Variants in TENM3 observed in about 807,000 individuals in gnomAD.
TENM3 encodes teneurin-3.
A neutral mutation model predicts 255.1 loss-of-function variants in TENM3; 63 were observed. The observed-to-expected ratio is 0.25, with a 90% confidence interval of 0.20 to 0.30. TENM3 has a LOEUF of 0.30. TENM3 is among the 10% of genes least tolerant of loss of function. The pLI, the probability that TENM3 is intolerant of heterozygous loss-of-function variation, is 1.00. For synonymous variants in TENM3, 1,306 were observed against 1,322.3 expected (o/e 0.99, Z 0.27); for missense variants, 2,929 against 3,461.1 (o/e 0.85, Z 3.86).
chr4:181,669,505 G>T, the TENM3 span, among the ~76,000 whole-genome samples: 1 of 152,098 alleles, frequency 6.6e-6, no homozygotes, highest in African/African-American at 2.4e-5. Flanking sequence ...TTTGTATAGA[G>T]CTTTACTAGA....
At chr4:182,382,110 T>G (rs1299602851) in intron 3 of TENM3, among the ~76,000 whole-genome samples, 1 of 152,206 alleles carries the variant, frequency 6.6e-6, no homozygotes, top group Non-Finnish European at 1.5e-5. Flanking sequence ...TTTGGTTGAC[T>G]ATCTATGGCT....
upstream of TENM3, among the ~76,000 whole-genome samples, chr4:182,139,760 C>G (rs1749265309): frequency 3.9e-5 from 6 of 152,222 alleles, no homozygotes; most frequent in Admixed American, 3.9e-4. Flanking sequence ...GAGGCTCTAG[C>G]CAAAGCAAGG....
the TENM3 span, among the ~76,000 whole-genome samples, chr4:181,662,318 A>G: frequency 6.6e-6 from 1 of 152,246 alleles, no homozygotes; most frequent in South Asian, 2.1e-4. Flanking sequence ...CAAATGGGCT[A>G]AAATAAATGA....
At chr4:182,415,230 T>A (rs1770283992) in intron 3 of TENM3, among the ~76,000 whole-genome samples, 1 of 152,230 alleles carries the variant, frequency 6.6e-6, no homozygotes, top group Non-Finnish European at 1.5e-5. Context: ...CATGGCACAT[T>A]TGAATGCTTG....
chr4:182,263,789 A>T (rs1218638361), intron 1 of TENM3, among the ~76,000 whole-genome samples: 1 of 152,158 alleles, frequency 6.6e-6, no homozygotes, highest in African/African-American at 2.4e-5. Flanking sequence ...CACGTGTCGA[A>T]ACTCTTAAGT....
rs376418611 is a variant in TENM3 at position 182,731,228 on chromosome 4, G to A, written c.2967+89G>A. The stretch of plus-strand genomic sequence containing the variant: ...ATCTTAAAAATAGGTTATAGAGTCC[G>A]GGCACGGTGGCTCACTCCTGTAATC... On this transcript the variant is annotated intron_variant, in intron 16 of 27. Transcript: ENST00000511685. 39 of 1,345,986 alleles carry A rather than the reference G, an allele frequency of 2.9e-5. No homozygotes were observed. In the Middle Eastern group the frequency reaches 7.4e-4, roughly 26 times the overall value. 83.4% of individuals were successfully genotyped at this position (1,345,986 alleles called of 1,614,324 possible).
chr4:181,877,729 C>T, the TENM3 span, among the ~76,000 whole-genome samples: 1 of 152,106 alleles, frequency 6.6e-6, no homozygotes, highest in African/African-American at 2.4e-5. Flanking sequence ...AGGCCTACAG[C>T]AAGAGGAAGG....
intron 1 of TENM3, among the ~76,000 whole-genome samples, chr4:182,248,929 G>T (rs1021939422): frequency 2.6e-4 from 39 of 152,176 alleles, no homozygotes; most frequent in Admixed American, 7.2e-4. Context: ...TGAAAAAGGT[G>T]CAATAGTAAT....
chr4:182,016,256 T>C, the TENM3 span, among the ~76,000 whole-genome samples: 1 of 152,218 alleles, frequency 6.6e-6, no homozygotes, highest in East Asian at 1.9e-4. Context: ...GGTGCTACCG[T>C]TGAGGTACTT....
At chr4:182,389,133 G>A (rs1768224684) in intron 3 of TENM3, among the ~76,000 whole-genome samples, 1 of 152,136 alleles carries the variant, frequency 6.6e-6, no homozygotes, top group African/African-American at 2.4e-5. Context: ...TGTTTAAAAT[G>A]AAACTGGGAT....
In TENM3 at chr4:182,800,208, G is replaced by A. The variant is rs1297180673; in HGVS notation, c.7957G>A (p.Gly2653Ser). Residue 2653 changes from glycine (G) to serine (S), a missense_variant, in exon 28 of 28, where the codon GGC (glycine) becomes AGC (serine). Gly to Ser is a moderately conservative substitution (Grantham distance 56, BLOSUM62 0). Around this residue, in one of 6 missense-constraint regions of TENM3, gnomAD observed 476 missense variants for 480.1 expected, o/e 0.99. Transcript: ENST00000511685. ...GEEGARLWTEGEKRQLLSAGK... is the reference protein window; with the variant it reads ...GEEGARLWTESEKRQLLSAGK... ...GGAGGGCGCGCGCCTCTGGACGGAGGGCGAGAAGCGGCAGCTGCTGAGCGC... is the reference window on the plus strand; with the variant it reads ...GGAGGGCGCGCGCCTCTGGACGGAGAGCGAGAAGCGGCAGCTGCTGAGCGC... The A allele has an allele frequency of 4.1e-5, 65 of 1,590,510 alleles. No individual in the cohort carries two copies. Among genetic ancestry groups the A allele is most frequent in the Non-Finnish European group, 5.4e-5 (64 of 1,176,418 alleles).
At chr4:181,452,388 T>C in the TENM3 span, among the ~76,000 whole-genome samples, 1 of 152,232 alleles carries the variant, frequency 6.6e-6, no homozygotes, top group East Asian at 1.9e-4. Context: ...CCTCGTGTTG[T>C]GAAAGGGAGC....
chr4:182,185,573 C>G (rs752956392), intron 1 of TENM3, among the ~76,000 whole-genome samples: 1 of 152,204 alleles, frequency 6.6e-6, no homozygotes, highest in East Asian at 1.9e-4. Flanking sequence ...TCTGAGTAGT[C>G]TCACCAGACA....
the TENM3 span, among the ~76,000 whole-genome samples, chr4:181,620,657 G>C: frequency 7.1e-6 from 1 of 140,568 alleles, no homozygotes; most frequent in Non-Finnish European, 1.5e-5. Flanking sequence ...TTCTCACAGA[G>C]TCCTTAAAAA....
At chr4:181,865,952 C>G in the TENM3 span, among the ~76,000 whole-genome samples, 1 of 152,106 alleles carries the variant, frequency 6.6e-6, no homozygotes, top group Admixed American at 6.6e-5. Flanking sequence ...TCTTTATAAA[C>G]CTGTACAGAA....
At chr4:182,217,476 C>T (rs571289511) in intron 1 of TENM3, among the ~76,000 whole-genome samples, 3 of 152,316 alleles carry the variant, frequency 2.0e-5, no homozygotes, top group Admixed American at 6.5e-5. Flanking sequence ...ATGAACCCCT[C>T]GCCTAACCTA....
chr4:182,302,503 A>G (rs1761907657), intron 1 of TENM3, among the ~76,000 whole-genome samples: 1 of 152,202 alleles, frequency 6.6e-6, no homozygotes, highest in African/African-American at 2.4e-5. Context: ...TAAGACAAGT[A>G]GCATAGGATA....
At chr4:182,166,573 C>A (rs986748715) in intron 1 of TENM3, among the ~76,000 whole-genome samples, 1 of 152,114 alleles carries the variant, frequency 6.6e-6, no homozygotes, top group East Asian at 1.9e-4. Flanking sequence ...CCATAGTATG[C>A]AGGTAATATT....
chr4:182,716,356 A>T (rs984547166), intron 13 of TENM3, among the ~76,000 whole-genome samples: 3 of 152,150 alleles, frequency 2.0e-5, no homozygotes, highest in Non-Finnish European at 4.4e-5. Context: ...CTTTTCCTCA[A>T]AATTTATCAA....
Sources: gnomAD v4.1 joint callset for allele counts (sites outside exome capture counted in the v4.1 genomes callset) on GRCh38, gnomAD v4.1.1 for gene constraint, gnomAD v4.1.1 regional missense constraint, MANE v1.5 for transcripts, NCBI Gene and HGNC (gene_info 2026-07-23, HGNC 2026-07-21) for gene names.